The following TRAFD1 variants were observed in gnomAD, a reference collection of about 807,000 sequenced individuals.
The protein encoded by TRAFD1 is TRAF-type zinc finger domain containing 1.
A neutral mutation model predicts 65.3 loss-of-function variants in TRAFD1; 38 were observed. The observed-to-expected ratio is 0.58, with a 90% CI of 0.45 to 0.76. TRAFD1 has a LOEUF of 0.76. TRAFD1 is among the 30% of genes least tolerant of loss of function. The pLI is 0.00. For missense variants in TRAFD1, 631 were observed against 712.6 expected, an observed-to-expected ratio of 0.89 and a Z score of 1.30; for synonymous variants, 223 against 257.2, an observed-to-expected ratio of 0.87 and a Z score of 1.27.
At position 112,152,532 on chromosome 12, in the gene TRAFD1, G is replaced by C. The variant is rs749220344; in HGVS notation, c.1692+33G>C. ...GGGCTCCAGCCCATGATGCTCAGTG[G>C]GGGACTCAGACATGGTGGGGCTTGT... On this transcript the variant is annotated intron_variant, in intron 11 of 11. Coordinates refer to ENST00000412615, the MANE Select transcript of TRAFD1 (RefSeq NM_006700.3). The surrounding 1 kb of genome is among the most constrained non-coding windows in gnomAD (Gnocchi z 5.0). 2.1e-5 allele frequency: 34 copies of C among 1,613,038 alleles called. 1 individual carries two copies. The South Asian group carries it at 3.5e-4, about 17-fold the overall frequency.
rs2030069359 is a variant in TRAFD1, at chr12:112,140,946, A to G, written c.365A>G (p.Asn122Ser). 1.9e-6 allele frequency: 3 copies of G among 1,614,214 alleles called. No homozygotes were observed. The highest frequency in any genetic ancestry group is 1.7e-6 in the Non-Finnish European group (2 of 1,180,044). ...GAACTATGTGGCAACTGTGGTCGCA[A>G]TGTCCTTGTGAAAGATCTGAAGACT... is the stretch of plus-strand genomic sequence containing the variant. Reference protein sequence around the residue: ...RTELCGNCGRNVLVKDLKTHP... With the variant: ...RTELCGNCGRSVLVKDLKTHP... Residue 122 changes from asparagine (N) to serine (S), a missense_variant, in exon 5 of 12, where the codon AAT becomes AGT. Asn to Ser is a conservative substitution (Grantham distance 46). Transcript: ENST00000412615.
intron 3 of TRAFD1, 29 bp from the exon 4 acceptor site, chr12:112,134,984 A>C: frequency 6.2e-7 from 1 of 1,614,204 alleles, no homozygotes; most frequent in Non-Finnish European, 8.5e-7. Context: ...TCCCAAAGCC[A>C]ATTTACTGAT....
intron 1 of TRAFD1, chr12:112,126,009 C>G (rs751484557): frequency 6.6e-6 from 1 of 152,294 alleles, no homozygotes; most frequent in Non-Finnish European, 1.5e-5. Flanking sequence ...GCCTCGAAGC[C>G]GAAGGACCCG....
rs2079570096 is a variant in TRAFD1, at chr12:112,132,309, A to C, written c.47+1740A>C. On this transcript the variant is annotated intron_variant, in intron 2 of 11. Transcript: ENST00000412615. ...TACCATTCTATGATACTGTAATGAA[A>C]ATATTCATACATAATCCCAAGAGTA... Among the ~76,000 whole-genome samples the C allele has an allele frequency of 2.0e-5, 3 of 152,152 alleles. 1 individual carries two copies. The highest frequency in any genetic ancestry group is 4.1e-4 in the South Asian group (2 of 4,822).
At position 112,152,038 on chromosome 12, in the gene TRAFD1, T is replaced by C; in HGVS notation, c.1517T>C (p.Ile506Thr). The C allele has an allele frequency of 6.2e-7, 1 of 1,614,216 alleles. No homozygotes were observed. Among genetic ancestry groups the C allele is most frequent in the Non-Finnish European group, 8.5e-7 (1 of 1,180,042 alleles). Residue 506 changes from isoleucine (I) to threonine (T), a missense_variant, in exon 10 of 12, where the codon ATA becomes ACA. Coordinates refer to ENST00000412615, the MANE Select transcript of TRAFD1 (RefSeq NM_006700.3). The surrounding 1 kb of genome is among the most constrained non-coding windows in gnomAD (Gnocchi z 5.0). ...GRNRDSQNGA[I>T]APGHVSVIRP... ...AATCGAGACAGCCAGAATGGGGCCATAGCCCCTGGGCACGTTTCAGTGATT... is the reference window on the plus strand; with the variant it reads ...AATCGAGACAGCCAGAATGGGGCCACAGCCCCTGGGCACGTTTCAGTGATT...
Position 112,142,236 on chromosome 12 carries a change from G to GA in TRAFD1, c.791_792insA (p.Ala265GlyfsTer4). On this transcript the variant is annotated frameshift_variant, in exon 6 of 12. Transcript: ENST00000412615. LOFTEE classifies it high-confidence loss of function. ...AGTGTGGCAGAGCAGGACTTCTGGA[G>GA]GGCCGTATGTGAGGCCGACCAGTCT... is the stretch of plus-strand genomic sequence containing the variant. The GA allele has an allele frequency of 6.2e-7, 1 of 1,613,918 alleles. No homozygotes were observed. Among genetic ancestry groups the GA allele is most frequent in the Non-Finnish European group, 8.5e-7 (1 of 1,179,920 alleles).
At position 112,152,332 on chromosome 12, in the gene TRAFD1, G is replaced by T; in HGVS notation, c.1620-95G>T. 1.3e-6 allele frequency: 2 copies of T among 1,531,640 alleles called. No homozygotes were observed. The highest frequency in any genetic ancestry group is 1.8e-5 in the Admixed American group (1 of 54,330). 94.9% of individuals were successfully genotyped at this position (1,531,640 alleles called of 1,614,324 possible). A position where few individuals can be genotyped will look rare whatever the true frequency, so the allele number is the denominator to read the frequency against. ...GTGGCCTATGGGTTTTTTGGGGTTT[G>T]TCTGCTAGCATAGGACTGCTTCCTG... On this transcript the variant is annotated intron_variant, in intron 10 of 11. Transcript: ENST00000412615. The surrounding 1 kb of genome is among the most constrained non-coding windows in gnomAD (Gnocchi z 5.0).
intron 7 of TRAFD1, among the ~76,000 whole-genome samples, chr12:112,146,604 C>T (rs76012166): frequency 0.055 from 8,367 of 152,320 alleles, 300 homozygotes; most frequent in Middle Eastern, 0.16. Context: ...GGTGTCTGGC[C>T]TTCTGCCCCT....
At chr12:112,147,855 GA>G (rs1309984748) in intron 7 of TRAFD1, among the ~76,000 whole-genome samples, 2 of 151,782 alleles carry the variant, frequency 1.3e-5, no homozygotes, top group Non-Finnish European at 2.9e-5. Flanking sequence ...ATTTTTAGTA[GA>G]GATGGGGTTT....
intron 1 of TRAFD1, among the ~76,000 whole-genome samples, chr12:112,127,884 T>G (rs1749646087): frequency 1.3e-5 from 2 of 150,522 alleles, no homozygotes; most frequent in African/African-American, 4.9e-5. Context: ...GCTTATTTTT[T>G]ATAAAGGCAG....
In TRAFD1 at chr12:112,148,989, G is replaced by A. The variant is rs892926004; in HGVS notation, c.1158+685G>A. Among the ~76,000 whole-genome samples the A allele has an allele frequency of 5.9e-5, 9 of 151,960 alleles. No individual in the cohort carries two copies. In the East Asian group the frequency reaches 9.7e-4, roughly 16 times the overall value. The stretch of plus-strand genomic sequence containing the variant: ...TCCCAGCACTTTGGGAGGCTGAGGC[G>A]GGCAGATCACTTGAGGTCAAAAGTT... On this transcript the variant is annotated intron_variant, in intron 8 of 11. Transcript: ENST00000412615.
chr12:112,139,830 C>T (rs949635782), intron 4 of TRAFD1, among the ~76,000 whole-genome samples: 5 of 151,828 alleles, frequency 3.3e-5, no homozygotes, highest in African/African-American at 4.8e-5. Context: ...GAAACCCCTT[C>T]GGTGCTAAAA....
At chr12:112,134,088 G>T (rs1315842350) in intron 2 of TRAFD1, among the ~76,000 whole-genome samples, 7 of 135,958 alleles carry the variant, frequency 5.1e-5, no homozygotes, top group African/African-American at 2.0e-4. Context: ...TAGGCTCACT[G>T]CATCTTCCGC....
At position 112,152,776 on chromosome 12, in the gene TRAFD1, G is replaced by A. The variant is rs753756920; in HGVS notation, c.1734G>A (p.Glu578=). 6.2e-7 allele frequency: 1 copy of A among 1,614,208 alleles called. No individual in the cohort carries two copies. The highest frequency in any genetic ancestry group is 1.1e-5 in the South Asian group (1 of 91,086). The change falls in exon 12 of 12, where the codon GAG becomes GAA. Residue 578 remains glutamate (E), a synonymous_variant. Transcript: ENST00000412615. This position sits in a 1 kb window ranked among gnomAD's most constrained non-coding sequence, Gnocchi z 5.0. Reference sequence around the variant, plus strand: ...AACAGGGAGCTGGGGATGCAGAAGAGGAAGAGGAGGAGTAATGGTGTCTCC... The same window carrying A: ...AACAGGGAGCTGGGGATGCAGAAGAAGAAGAGGAGGAGTAATGGTGTCTCC... ...SKQQGAGDAE[E]EEEE is the part of the protein sequence containing the mutation.
Position 112,152,262 on chromosome 12 carries a change from A to G in TRAFD1, c.1619+122A>G. On this transcript the variant is annotated intron_variant, in intron 10 of 11. Coordinates refer to ENST00000412615, the MANE Select transcript of TRAFD1 (RefSeq NM_006700.3). The surrounding 1 kb of genome is among the most constrained non-coding windows in gnomAD (Gnocchi z 5.0). ...GTACTTGCATGGTAAGGGGAGGAGT[A>G]TGGATTTTCCCTGTATTGTCACCTG... The G allele has an allele frequency of 4.2e-6, 6 of 1,412,370 alleles. No homozygotes were observed. Among genetic ancestry groups the G allele is most frequent in the Non-Finnish European group, 5.8e-6 (6 of 1,037,650 alleles). 87.5% of individuals were successfully genotyped at this position (1,412,370 alleles called of 1,614,324 possible). A position where few individuals can be genotyped will look rare whatever the true frequency, so the allele number is the denominator to read the frequency against.
intron 8 of TRAFD1, 132 bp downstream of exon 8, chr12:112,148,436 A>G: frequency 1.3e-6 from 1 of 756,008 alleles, no homozygotes; most frequent in Non-Finnish European, 2.1e-6. Flanking sequence ...GCTTCTGGCC[A>G]AGTCATCTTT....
intron 8 of TRAFD1, among the ~76,000 whole-genome samples, chr12:112,148,754 T>C (rs2030323293): frequency 6.6e-6 from 1 of 152,222 alleles, no homozygotes; most frequent in Admixed American, 6.5e-5. Context: ...ATGAAGTCAT[T>C]TTTCAGCATT....
rs371156907 is a variant in TRAFD1 at position 112,142,180 on chromosome 12, C to T, written c.735C>T (p.Ala245=). ...EESANLDFML[A]LSLQNEGQAS... ...GTGCAAACTTGGACTTCATGTTGGC[C>T]CTAAGTCTGCAAAATGAAGGCCAAG... is the stretch of plus-strand genomic sequence containing the variant. The change falls in exon 6 of 12, where the codon GCC becomes GCT. Residue 245 remains alanine (A), a synonymous_variant. Transcript: ENST00000412615. 2 of 1,613,790 alleles carry T rather than the reference C, an allele frequency of 1.2e-6. No homozygotes were observed. Among genetic ancestry groups the T allele is most frequent in the Non-Finnish European group, 1.7e-6 (2 of 1,179,994 alleles).
rs778060989 is a variant in TRAFD1 at position 112,148,147 on chromosome 12, C to T, written c.1001C>T (p.Pro334Leu). The T allele has an allele frequency of 4.3e-6, 7 of 1,614,076 alleles. No homozygotes were observed. In the African/African-American group the frequency reaches 8.0e-5, roughly 18 times the overall value. ...GSSSPRGVEE[P>L]DVIFQNFLQQ... Reference sequence around the variant, plus strand: ...TCTTCCCCCAGAGGGGTGGAGGAACCTGATGTCATCTTCCAGAACTTCTTG... The same window carrying T: ...TCTTCCCCCAGAGGGGTGGAGGAACTTGATGTCATCTTCCAGAACTTCTTG... The change falls in exon 8 of 12, where the codon CCT becomes CTT. Residue 334 changes from proline (P) to leucine (L), a missense_variant. Pro to Leu is a moderately conservative substitution (Grantham distance 98). Coordinates refer to ENST00000412615, the MANE Select transcript of TRAFD1 (RefSeq NM_006700.3).
Sources: gnomAD v4.1 joint callset for allele counts (sites outside exome capture counted in the v4.1 genomes callset) on GRCh38, gnomAD v4.1.1 for gene constraint, Gnocchi (gnomAD v3.1) non-coding constraint, MANE v1.5 for transcripts, NCBI Gene and HGNC (gene_info 2026-07-23, HGNC 2026-07-21) for gene names.